Variants in SQOR observed in about 807,000 individuals in gnomAD.
The protein encoded by SQOR is sulfide quinone oxidoreductase, also known as sulfide:quinone oxidoreductase, mitochondrial.
Under a neutral mutation model 48.6 loss-of-function variants are expected in SQOR, and 39 were observed. The observed-to-expected ratio is 0.80, with a 90% CI of 0.62 to 1.05. The LOEUF is 1.05. Among genes scored for constraint, SQOR ranks in the 50% least tolerant of loss-of-function variants. SQOR has a pLI of 0.00. For missense variants in SQOR, 561 were observed against 559.9 expected (o/e 1.00, Z -0.02); for synonymous variants, 220 against 206.2 (o/e 1.07, Z -0.57).
chr15:45,663,714 C>T (rs1889761789), intron 3 of SQOR, among the ~76,000 whole-genome samples: 1 of 152,036 alleles, frequency 6.6e-6, no homozygotes, highest in South Asian at 2.1e-4. Context: ...CTGTGGTGAG[C>T]TGTGATTGCG....
intron 1 of SQOR, among the ~76,000 whole-genome samples, chr15:45,642,573 A>T (rs1895123806): frequency 6.6e-6 from 1 of 152,164 alleles, no homozygotes; most frequent in Non-Finnish European, 1.5e-5. Context: ...AAACTTTAGT[A>T]ACACATGCCT....
At chr15:45,666,110 C>T (rs1889812292) in intron 3 of SQOR, among the ~76,000 whole-genome samples, 1 of 152,174 alleles carries the variant, frequency 6.6e-6, no homozygotes, top group Admixed American at 6.5e-5. Flanking sequence ...CCTCCTATTT[C>T]CTCAAATGCC....
chr15:45,676,972 C>A (rs1204202862), intron 6 of SQOR, among the ~76,000 whole-genome samples: 2 of 149,354 alleles, frequency 1.3e-5, no homozygotes, highest in Non-Finnish European at 3.0e-5. Flanking sequence ...ACCCAGAAGG[C>A]GGAGGCTGCA....
In SQOR at chr15:45,650,554, C is replaced by T. The variant is rs549537384; in HGVS notation, c.-17-8353C>T. On this transcript the variant is annotated intron_variant, in intron 1 of 9. Coordinates refer to ENST00000260324, the MANE Select transcript of SQOR (RefSeq NM_021199.4). ...GCAAAAGAAGAAAGCATCCACAACA[C>T]GAAAGAGGACCAGAAAGGACTGCCA... Among the ~76,000 whole-genome samples the T allele has an allele frequency of 6.7e-4, 100 of 150,236 alleles. 3 individuals are homozygous for T. The highest frequency in any genetic ancestry group is 3.8e-4 in the African/African-American group (15 of 39,700).
chr15:45,664,338 A>G (rs1358862141), intron 3 of SQOR, among the ~76,000 whole-genome samples: 1 of 152,156 alleles, frequency 6.6e-6, no homozygotes, highest in Non-Finnish European at 1.5e-5. Context: ...CCTGTTGTGT[A>G]TGAGAGAAGA....
chr15:45,679,807 A>T (rs564944147), intron 6 of SQOR, among the ~76,000 whole-genome samples: 3 of 152,330 alleles, frequency 2.0e-5, no homozygotes, highest in African/African-American at 7.2e-5. Flanking sequence ...CACAGATTTT[A>T]CATATCAGAA....
chr15:45,681,433 A>ATATT, intron 6 of SQOR, among the ~76,000 whole-genome samples: 1 of 152,086 alleles, frequency 6.6e-6, no homozygotes, highest in South Asian at 2.1e-4. Context: ...AATTAAGCTT[A>ATATT]TATTTGTCTG....
At chr15:45,687,906 C>T (rs181862971) in intron 7 of SQOR, among the ~76,000 whole-genome samples, 27 of 152,252 alleles carry the variant, frequency 1.8e-4, no homozygotes, top group African/African-American at 5.8e-4. Context: ...CAGGACAGTC[C>T]GGTAGAGAGG....
chr15:45,650,424 G>A lies in SQOR; in HGVS notation c.-17-8483G>A, dbSNP rs972392410. Among the ~76,000 whole-genome samples, 7 of 152,312 alleles carry A rather than the reference G, an allele frequency of 4.6e-5. No individual in the cohort carries two copies. In the South Asian group the frequency reaches 1.2e-3, roughly 27 times the overall value. ...CTTCTGGTGGGTTCGTGGTCTCCCTGGCTCAGGAGTGAAGCTGCAGACCTT... is the reference window on the plus strand; with the variant it reads ...CTTCTGGTGGGTTCGTGGTCTCCCTAGCTCAGGAGTGAAGCTGCAGACCTT... On this transcript the variant is annotated intron_variant, in intron 1 of 9. Transcript: ENST00000260324.
chr15:45,652,848 G>A (rs1889521046), intron 1 of SQOR, among the ~76,000 whole-genome samples: 1 of 151,452 alleles, frequency 6.6e-6, no homozygotes, highest in South Asian at 2.1e-4. Flanking sequence ...GCAGGCACCT[G>A]TAATCCCAGC....
intron 1 of SQOR, among the ~76,000 whole-genome samples, chr15:45,655,674 A>G (rs1425902552): frequency 7.0e-6 from 1 of 143,348 alleles, no homozygotes; most frequent in Non-Finnish European, 1.5e-5. Flanking sequence ...AGTTGTAGAA[A>G]GTATATCTTT....
upstream of SQOR, chr15:45,631,683 A>C (rs1894901455): frequency 6.6e-6 from 1 of 152,098 alleles, no homozygotes; most frequent in Non-Finnish European, 1.5e-5. Context: ...ATTTCCACCC[A>C]TTCCTGTTGC....
At chr15:45,680,866 C>G (rs1057057441) in intron 6 of SQOR, among the ~76,000 whole-genome samples, 51 of 151,358 alleles carry the variant, frequency 3.4e-4, no homozygotes, top group African/African-American at 1.2e-3. Flanking sequence ...AATTCAAACA[C>G]ATTAACTCCA....
At chr15:45,656,962 G>A (rs1889622820) in intron 1 of SQOR, among the ~76,000 whole-genome samples, 2 of 151,764 alleles carry the variant, frequency 1.3e-5, no homozygotes, top group African/African-American at 2.4e-5. Context: ...ACACCACCAC[G>A]CCTGGCTAAA....
At chr15:45,650,361 C>T (rs1049363046) in intron 1 of SQOR, among the ~76,000 whole-genome samples, 1 of 152,148 alleles carries the variant, frequency 6.6e-6, no homozygotes, top group Non-Finnish European at 1.5e-5. Context: ...GGAGTTTGTT[C>T]CTTCTAACGT....
chr15:45,690,249 A>G (rs1350508841), intron 9 of SQOR, among the ~76,000 whole-genome samples: 1 of 152,050 alleles, frequency 6.6e-6, no homozygotes, highest in South Asian at 2.1e-4. Flanking sequence ...TATTTTTAGT[A>G]GAGACAGGGT....
chr15:45,681,901 T>C (rs1890132387), intron 6 of SQOR, among the ~76,000 whole-genome samples: 1 of 152,198 alleles, frequency 6.6e-6, no homozygotes, highest in Non-Finnish European at 1.5e-5. Flanking sequence ...TTGCTCCTTT[T>C]CCAAAGTGCT....
chr15:45,687,168 C>T (rs1890239981), intron 7 of SQOR, among the ~76,000 whole-genome samples: 2 of 151,658 alleles, frequency 1.3e-5, no homozygotes, highest in Admixed American at 1.3e-4. Context: ...ACTTTATCCC[C>T]AAGGGTGGAG....
upstream of SQOR, among the ~76,000 whole-genome samples, chr15:45,633,714 G>A (rs373594052): frequency 7.9e-4 from 106 of 134,334 alleles, no homozygotes; most frequent in African/African-American, 2.8e-3. Context: ...AAAAAAAAAA[G>A]AAGAAGAAGA....
Sources: allele counts gnomAD v4.1 joint callset (sites outside exome capture counted in the v4.1 genomes callset), GRCh38; gene constraint gnomAD v4.1.1; transcripts MANE v1.5; gene names NCBI Gene and HGNC (gene_info 2026-07-23, HGNC 2026-07-21).